Variants in TCF7 observed in about 807,000 individuals in gnomAD.
TCF7 encodes T-cell-factor-7.
Under a neutral mutation model 46.8 loss-of-function variants are expected in TCF7, and 19 were observed. The observed-to-expected ratio is 0.41, with a 90% CI of 0.28 to 0.60. The LOEUF (loss-of-function observed/expected upper bound fraction) is 0.60, where lower values mean the gene tolerates loss of function less well. Ranked by LOEUF, TCF7 falls within the 20% of genes least tolerant of loss-of-function variation. The pLI is 0.35. For synonymous variants in TCF7, 245 were observed against 213.4 expected, an observed-to-expected ratio of 1.15 and a Z score of -1.29; for missense variants, 547 against 504.6, an observed-to-expected ratio of 1.08 and a Z score of -0.81.
intron 3 of TCF7, among the ~76,000 whole-genome samples, chr5:134,128,168 G>A (rs940039906): frequency 2.6e-5 from 4 of 152,120 alleles, no homozygotes; most frequent in Non-Finnish European, 5.9e-5. Context: ...TGGCTCCCCC[G>A]TCCCATCCCT....
chr5:134,131,314 T>G (rs777114355), intron 3 of TCF7, among the ~76,000 whole-genome samples: 28 of 152,200 alleles, frequency 1.8e-4, no homozygotes, highest in Non-Finnish European at 4.1e-4. Context: ...ATGGGAAGAA[T>G]GTATCATGCC....
chr5:134,121,890 G>A (rs1007948043), intron 3 of TCF7, among the ~76,000 whole-genome samples: 1 of 152,222 alleles, frequency 6.6e-6, no homozygotes, highest in African/African-American at 2.4e-5. Flanking sequence ...GCCCCAGTGC[G>A]CTGTAGGTTC....
At chr5:134,124,849 C>A (rs902071092) in intron 3 of TCF7, among the ~76,000 whole-genome samples, 5 of 152,158 alleles carry the variant, frequency 3.3e-5, no homozygotes, top group African/African-American at 9.7e-5. Flanking sequence ...GTTAGGCCTG[C>A]CCCCACTCCA....
upstream of TCF7, among the ~76,000 whole-genome samples, chr5:134,109,794 A>T (rs927026624): frequency 6.8e-6 from 1 of 146,120 alleles, no homozygotes; most frequent in African/African-American, 2.5e-5. Context: ...AAAAAAAAAG[A>T]ACTTAGAGGC....
At chr5:134,141,190 G>A (rs928442235) in intron 5 of TCF7, 5 of 164,318 alleles carry the variant, frequency 3.0e-5, no homozygotes, top group African/African-American at 1.2e-4. Flanking sequence ...TCCCTACTTA[G>A]AAGGACTCTC....
intron 2 of TCF7, chr5:134,115,668 G>C (rs998643808): frequency 7.0e-6 from 10 of 1,432,684 alleles, no homozygotes; most frequent in Non-Finnish European, 9.1e-6. Flanking sequence ...AGACAGAATT[G>C]GCCAAGGTTT....
Position 134,145,595 on chromosome 5 carries a change from C to A in TCF7, c.1076-629C>A, listed in dbSNP as rs1561704885. On this transcript the variant is annotated intron_variant, in intron 9 of 9. Coordinates refer to ENST00000342854, the MANE Select transcript of TCF7 (RefSeq NM_003202.5). ...CAGTAAGGCCACTGGCTCTAAGGAA[C>A]ACTTGTCCAGCCTCTCAGTGTACCC... The A allele has an allele frequency of 7.3e-6, 6 of 816,504 alleles. No individual in the cohort carries two copies. In the Admixed American group the frequency reaches 1.4e-4, roughly 20 times the overall value. The allele number at this position is 816,504 out of a possible 1,614,324, so 50.6% of individuals were successfully genotyped here. A position where few individuals can be genotyped will look rare whatever the true frequency, so the allele number is the denominator to read the frequency against.
In TCF7 at chr5:134,144,972, C is replaced by G. The variant is rs1473770221; in HGVS notation, c.1076-1252C>G. The G allele has an allele frequency of 1.3e-5, 13 of 991,802 alleles. No homozygotes were observed. In the East Asian group the frequency reaches 3.0e-4, roughly 23 times the overall value. 61.4% of individuals were successfully genotyped at this position (991,802 alleles called of 1,614,324 possible). ...AGCCCACTCCTTTGGCCCCTCAGCC[C>G]ACTAGCATACTCAGCAGATTGGGAG... On this transcript the variant is annotated intron_variant, in intron 9 of 9. Coordinates refer to ENST00000342854, the MANE Select transcript of TCF7 (RefSeq NM_003202.5).
chr5:134,142,310 T>C lies in TCF7; in HGVS notation c.755+6T>C, dbSNP rs1294328631. 3 of 1,573,514 alleles carry C rather than the reference T, an allele frequency of 1.9e-6. No individual in the cohort carries two copies. In the Admixed American group the frequency reaches 5.2e-5, roughly 28 times the overall value. ...CAGCCCTTCGACCGCAACCTGTGAG[T>C]GAAAAGACAATGATGGCAGGGGGTG... On this transcript the variant is annotated splice_donor_region_variant and intron_variant, in intron 6 of 9. Transcript: ENST00000342854.
chr5:134,115,246 A>C (rs1384566460), intron 1 of TCF7, 75 bp from the exon 2 acceptor site: 3 of 1,396,040 alleles, frequency 2.1e-6, no homozygotes, highest in Non-Finnish European at 2.8e-6. Context: ...CAGCGCGCAG[A>C]GCGTCCCTGC....
chr5:134,111,222 G>A (rs1405229564), upstream of TCF7, among the ~76,000 whole-genome samples: 1 of 152,210 alleles, frequency 6.6e-6, no homozygotes, highest in Non-Finnish European at 1.5e-5. Context: ...ATCTAAAGCT[G>A]GAGCTCATCT....
intron 9 of TCF7, chr5:134,144,692 A>ATAAC: frequency 1.2e-6 from 1 of 847,674 alleles, no homozygotes; most frequent in Non-Finnish European, 2.0e-6. Flanking sequence ...TAGGGTGTCT[A>ATAAC]TAACTGGCTA....
At position 134,114,837 on chromosome 5, in the gene TCF7, CCCCCGGGCCGGCTCCGCG is replaced by C. The variant is rs1158826806; in HGVS notation, c.-64_-47del. On this transcript the variant is annotated 5_prime_UTR_variant, in exon 1 of 10. Transcript: ENST00000342854. ...GAGGTTCGGACTCCGGGCTCGCCGC[CCCCCGGGCCGGCTCCGCG>C]CCCCGCACTCCCGGCGCCCAGCGCC... 42 of 981,310 alleles carry C rather than the reference CCCCCGGGCCGGCTCCGCG, an allele frequency of 4.3e-5. No individual in the cohort carries two copies. The Middle Eastern group carries it at 4.2e-3, about 98-fold the overall frequency. The allele number at this position is 981,310 out of a possible 1,614,324, so 60.8% of individuals were successfully genotyped here.
rs56210162 is a variant in TCF7, at chr5:134,115,953, G to A, written c.361G>A (p.Val121Ile). Residue 121 changes from valine (V) to isoleucine (I), a missense_variant, in exon 3 of 10, where the codon GTC becomes ATC. Physicochemically the swap from Val to Ile is conservative, Grantham distance 29. Coordinates refer to ENST00000342854, the MANE Select transcript of TCF7 (RefSeq NM_003202.5). ...CACCAGCGGCATGTACAAAGAGACC[G>A]TCTACTCCGCCTTCAATCTGCTCAT... ...ECTSGMYKETVYSAFNLLMHY... is the reference protein window; with the variant it reads ...ECTSGMYKETIYSAFNLLMHY... 124 of 1,614,012 alleles carry A rather than the reference G, an allele frequency of 7.7e-5. No individual in the cohort carries two copies. The East Asian group carries it at 2.7e-3, about 35-fold the overall frequency.
intron 5 of TCF7, 75 bp downstream of exon 5, chr5:134,139,113 C>T: frequency 1.9e-6 from 3 of 1,563,190 alleles, no homozygotes; most frequent in East Asian, 2.4e-5. Flanking sequence ...CCATTTCCTC[C>T]TCCATCCCTC....
In TCF7 at chr5:134,142,311, G is replaced by GA; in HGVS notation, c.755+11dup. 6.4e-7 allele frequency: 1 copy of GA among 1,573,106 alleles called. No homozygotes were observed. The highest frequency in any genetic ancestry group is 8.7e-7 in the Non-Finnish European group (1 of 1,153,714). ...AGCCCTTCGACCGCAACCTGTGAGT[G>GA]AAAAGACAATGATGGCAGGGGGTGT... On this transcript the variant is annotated splice_region_variant and intron_variant, in intron 6 of 9. Coordinates refer to ENST00000342854, the MANE Select transcript of TCF7 (RefSeq NM_003202.5).
upstream of TCF7, among the ~76,000 whole-genome samples, chr5:134,114,207 G>A (rs1179314269): frequency 2.6e-5 from 4 of 152,206 alleles, no homozygotes; most frequent in Non-Finnish European, 5.9e-5. Context: ...GGCAAGAGCC[G>A]CAACAGCGCC....
chr5:134,127,747 A>C (rs1757531394), intron 3 of TCF7, among the ~76,000 whole-genome samples: 4 of 152,208 alleles, frequency 2.6e-5, no homozygotes. Context: ...CTCTCTGGTC[A>C]TTGCGGGCCA....
upstream of TCF7, among the ~76,000 whole-genome samples, chr5:134,109,899 A>C (rs1462477617): frequency 1.3e-5 from 2 of 152,202 alleles, no homozygotes; most frequent in Non-Finnish European, 2.9e-5. Context: ...ACTAGGACAC[A>C]GGCTGGCACT....
Sources: allele counts gnomAD v4.1 joint callset (sites outside exome capture counted in the v4.1 genomes callset), GRCh38; gene constraint gnomAD v4.1.1; transcripts MANE v1.5; gene names NCBI Gene and HGNC (gene_info 2026-07-23, HGNC 2026-07-21).